Variants in KCNK12 observed in about 807,000 individuals in gnomAD.
KCNK12 encodes potassium channel subfamily K member 12.
In KCNK12, 6 loss-of-function variants were observed where a neutral mutation model predicts 25.3. That is an observed-to-expected ratio of 0.24 (90% confidence interval 0.13 to 0.47). The LOEUF (loss-of-function observed/expected upper bound fraction) is 0.47. Among genes scored for constraint, KCNK12 ranks in the 20% least tolerant of loss-of-function variants. KCNK12 has a pLI of 0.99. For missense variants in KCNK12, 444 were observed against 661.7 expected (o/e 0.67, Z 3.61); for synonymous variants, 331 against 311.1 (o/e 1.06, Z -0.67).
chr2:47,570,195 A>T lies in KCNK12; in HGVS notation c.137T>A (p.Ile46Asn). ...TGRFVLLAAL[I>N]GLYLVAGATV... ...GGCACCCGCCACCAGGTAGAGGCCG[A>T]TGAGCGCCGCCAGCAGCACGAAGCG... Residue 46 changes from isoleucine (I) to asparagine (N), a missense_variant, in exon 1 of 2, where the codon ATC (isoleucine) becomes AAC (asparagine). Physicochemically the swap from Ile to Asn is moderately radical, Grantham distance 149. Around this residue, in one of 8 missense-constraint regions of KCNK12, gnomAD observed 106 missense variants for 142.2 expected, o/e 0.75. Transcript: ENST00000327876. The T allele has an allele frequency of 1.3e-6, 2 of 1,497,934 alleles. No individual in the cohort carries two copies. Among genetic ancestry groups the T allele is most frequent in the Non-Finnish European group, 1.8e-6 (2 of 1,128,286 alleles). 92.8% of individuals were successfully genotyped at this position (1,497,934 alleles called of 1,614,324 possible). A position where few individuals can be genotyped will look rare whatever the true frequency, so the allele number is the denominator to read the frequency against.
intron 1 of KCNK12, among the ~76,000 whole-genome samples, chr2:47,544,923 A>T (rs1669280018): frequency 6.6e-6 from 1 of 152,228 alleles, no homozygotes; most frequent in African/African-American, 2.4e-5. Context: ...GGACAAAAAA[A>T]TCCCTGGAGT....
rs540686112 is a variant in KCNK12, at chr2:47,529,504, G to C, written c.392-7696C>G. On this transcript the variant is annotated intron_variant, in intron 1 of 1. Coordinates refer to ENST00000327876, the MANE Select transcript of KCNK12 (RefSeq NM_022055.2). This position sits in a 1 kb window ranked among gnomAD's most constrained non-coding sequence, Gnocchi z 4.3. The stretch of plus-strand genomic sequence containing the variant: ...TTTCCATTGACCTAAAATTTTTGTG[G>C]TGGGCACTGCAGCTCTCTCCTTACC... 2.0e-5 allele frequency among the ~76,000 whole-genome samples: 3 copies of C among 152,234 alleles called. No homozygotes were observed. In the East Asian group the frequency reaches 5.8e-4, roughly 29 times the overall value.
chr2:47,531,347 C>T (rs186370201), intron 1 of KCNK12, among the ~76,000 whole-genome samples: 2 of 152,146 alleles, frequency 1.3e-5, no homozygotes, highest in Non-Finnish European at 2.9e-5. Flanking sequence ...GTGGCGTGTG[C>T]CTGTGGTCCT....
Position 47,514,324 on chromosome 2 carries a change from C to T in KCNK12, c.*6583G>A, listed in dbSNP as rs992297655. Among the ~76,000 whole-genome samples, 4 of 152,330 alleles carry T rather than the reference C, an allele frequency of 2.6e-5. No individual in the cohort carries two copies. Among genetic ancestry groups the T allele is most frequent in the South Asian group, 2.1e-4 (1 of 4,824 alleles). ...GGTGGACAGGGAGCCCTCAGCAGGC[C>T]GTACTGCAGCGCCCTGCCCCCGTCA... On this transcript the variant is annotated 3_prime_UTR_variant, in exon 2 of 2. Coordinates refer to ENST00000327876, the MANE Select transcript of KCNK12 (RefSeq NM_022055.2). The surrounding 1 kb of genome is among the most constrained non-coding windows in gnomAD (Gnocchi z 5.0).
intron 1 of KCNK12, among the ~76,000 whole-genome samples, chr2:47,531,484 A>G (rs75803428): frequency 6.6e-6 from 1 of 151,250 alleles, no homozygotes; most frequent in Non-Finnish European, 1.5e-5. Flanking sequence ...AAAAAAAAAA[A>G]AGATTAGGTG....
At chr2:47,558,582 C>A (rs1669597238) in intron 1 of KCNK12, among the ~76,000 whole-genome samples, 1 of 152,188 alleles carries the variant, frequency 6.6e-6, no homozygotes, top group African/African-American at 2.4e-5. Flanking sequence ...GCTGTCCCTG[C>A]AGAATTCCTG....
intron 1 of KCNK12, among the ~76,000 whole-genome samples, chr2:47,554,323 C>A (rs1226096038): frequency 6.6e-6 from 1 of 152,080 alleles, no homozygotes; most frequent in Non-Finnish European, 1.5e-5. Flanking sequence ...GTTCTAAGGA[C>A]AATAAGGCAG....
Position 47,555,218 on chromosome 2 carries a change from G to C in KCNK12, c.391+14723C>G, listed in dbSNP as rs891499754. ...ATAAATGGGTTTAAAGCCAAAGGGTGTGAGGGGGATCAGAGTATGCCATCC... is the reference window on the plus strand; with the variant it reads ...ATAAATGGGTTTAAAGCCAAAGGGTCTGAGGGGGATCAGAGTATGCCATCC... On this transcript the variant is annotated intron_variant, in intron 1 of 1. Coordinates refer to ENST00000327876, the MANE Select transcript of KCNK12 (RefSeq NM_022055.2). The surrounding 1 kb of genome is among the most constrained non-coding windows in gnomAD (Gnocchi z 4.5). 6.6e-6 allele frequency among the ~76,000 whole-genome samples: 1 copy of C among 152,240 alleles called. No individual in the cohort carries two copies. The highest frequency in any genetic ancestry group is 2.4e-5 in the African/African-American group (1 of 41,462).
rs993996999 is a variant in KCNK12, at chr2:47,569,260, A to C, written c.391+681T>G. On this transcript the variant is annotated intron_variant, in intron 1 of 1. Transcript: ENST00000327876. This position sits in a 1 kb window ranked among gnomAD's most constrained non-coding sequence, Gnocchi z 4.1. ...AATGGTTGGAAAAAGTGGCAAGGGA[A>C]CAAAAAAAGGGTCAAGAAATTGGAG... 6.6e-6 allele frequency among the ~76,000 whole-genome samples: 1 copy of C among 152,150 alleles called. No homozygotes were observed. The highest frequency in any genetic ancestry group is 2.4e-5 in the African/African-American group (1 of 41,434).
In KCNK12 at chr2:47,547,176, C is replaced by G. The variant is rs1572600081; in HGVS notation, c.391+22765G>C. On this transcript the variant is annotated intron_variant, in intron 1 of 1. Transcript: ENST00000327876. The surrounding 1 kb of genome is among the most constrained non-coding windows in gnomAD (Gnocchi z 5.0). ...CTTGCAGCTCCTCCTAGCTTAGCCTCCTTCATCTTCAAGGGCACTGCGGCT... is the reference window on the plus strand; with the variant it reads ...CTTGCAGCTCCTCCTAGCTTAGCCTGCTTCATCTTCAAGGGCACTGCGGCT... 6.6e-6 allele frequency among the ~76,000 whole-genome samples: 1 copy of G among 152,216 alleles called. No individual in the cohort carries two copies. The highest frequency in any genetic ancestry group is 6.5e-5 in the Admixed American group (1 of 15,288).
chr2:47,536,808 G>A (rs561820442), intron 1 of KCNK12, among the ~76,000 whole-genome samples: 4 of 152,322 alleles, frequency 2.6e-5, no homozygotes, highest in East Asian at 1.9e-4. Flanking sequence ...GCCAAAGAGC[G>A]GAAGTACTTC....
intron 1 of KCNK12, among the ~76,000 whole-genome samples, chr2:47,567,986 G>A (rs944949812): frequency 5.9e-5 from 9 of 152,142 alleles, no homozygotes; most frequent in Admixed American, 6.5e-5. Flanking sequence ...AAGGAGCACC[G>A]AATGACAGAT....
chr2:47,549,402 CATG>C lies in KCNK12; in HGVS notation c.391+20536_391+20538del, dbSNP rs570450262. On this transcript the variant is annotated intron_variant, in intron 1 of 1. Transcript: ENST00000327876. ...AATCAAGCATCAACAATGTAAAATTCATGATGTTCTGATCTCTAATAAAAAATC... is the reference window on the plus strand; with the variant it reads ...AATCAAGCATCAACAATGTAAAATTCATGTTCTGATCTCTAATAAAAAATC... 4.7e-3 allele frequency among the ~76,000 whole-genome samples: 720 copies of C among 152,230 alleles called. 6 individuals are homozygous for C. The highest frequency in any genetic ancestry group is 8.0e-3 in the Non-Finnish European group (542 of 68,018).
chr2:47,527,045 G>C (rs943126371), intron 1 of KCNK12, among the ~76,000 whole-genome samples: 15 of 152,202 alleles, frequency 9.9e-5, no homozygotes, highest in African/African-American at 3.4e-4. Context: ...CAGTTGCGAA[G>C]TCCCCACAGC....
chr2:47,523,953 T>C (rs1187409747), intron 1 of KCNK12, among the ~76,000 whole-genome samples: 1 of 152,266 alleles, frequency 6.6e-6, no homozygotes, highest in East Asian at 1.9e-4. Context: ...AAAATATTTC[T>C]TGTAATACTT....
At position 47,518,568 on chromosome 2, in the gene KCNK12, G is replaced by A. The variant is rs1405173963; in HGVS notation, c.*2339C>T. The stretch of plus-strand genomic sequence containing the variant: ...ACATTTTGAGTTTTTCTTCTCTGGA[G>A]GTGGGTCCTGGTTCCTCCCATGGAG... On this transcript the variant is annotated 3_prime_UTR_variant, in exon 2 of 2. Transcript: ENST00000327876. The surrounding 1 kb of genome is among the most constrained non-coding windows in gnomAD (Gnocchi z 4.1). 1 of 152,290 alleles carries A rather than the reference G, an allele frequency of 6.6e-6. No homozygotes were observed. Among genetic ancestry groups the A allele is most frequent in the East Asian group, 1.9e-4 (1 of 5,198 alleles). 9.4% of individuals were successfully genotyped at this position (152,290 alleles called of 1,614,324 possible).
At chr2:47,558,606 T>G (rs1439919121) in intron 1 of KCNK12, among the ~76,000 whole-genome samples, 1 of 152,166 alleles carries the variant, frequency 6.6e-6, no homozygotes, top group African/African-American at 2.4e-5. Context: ...GGTCCTGGTG[T>G]TAGCAGCTAA....
chr2:47,534,522 C>G (rs890103484), intron 1 of KCNK12, among the ~76,000 whole-genome samples: 2 of 126,112 alleles, frequency 1.6e-5, no homozygotes, highest in South Asian at 3.6e-4. Flanking sequence ...CTAACCCCCC[C>G]CCCCGCCCCC....
intron 1 of KCNK12, among the ~76,000 whole-genome samples, chr2:47,523,954 T>C (rs2104735509): frequency 6.6e-6 from 1 of 152,374 alleles, no homozygotes; most frequent in East Asian, 1.9e-4. Flanking sequence ...AAATATTTCT[T>C]GTAATACTTT....
Sources: gnomAD v4.1 joint callset for allele counts (sites outside exome capture counted in the v4.1 genomes callset) on GRCh38, gnomAD v4.1.1 for gene constraint, gnomAD v4.1.1 regional missense constraint, Gnocchi (gnomAD v3.1) non-coding constraint, MANE v1.5 for transcripts, NCBI Gene and HGNC (gene_info 2026-07-23, HGNC 2026-07-21) for gene names.